The following SDK1 variants were observed in gnomAD, a reference collection of about 807,000 sequenced individuals.
The protein encoded by SDK1 is protein sidekick-1.
A neutral mutation model predicts 245.5 loss-of-function variants in SDK1; 157 were observed. That is an observed-to-expected ratio of 0.64 (90% confidence interval 0.56 to 0.73). SDK1 has a LOEUF of 0.73. Among genes scored for constraint, SDK1 ranks in the 30% least tolerant of loss-of-function variants. SDK1 has a pLI of 0.00. For missense variants in SDK1, 3,583 were observed against 3,002.3 expected, an observed-to-expected ratio of 1.19 and a Z score of -4.52; for synonymous variants, 1,647 against 1,278.5, an observed-to-expected ratio of 1.29 and a Z score of -6.15.
chr7:3,651,042 C>T (rs1392372128), intron 4 of SDK1, among the ~76,000 whole-genome samples: 3 of 151,638 alleles, frequency 2.0e-5, no homozygotes, highest in African/African-American at 7.3e-5. Flanking sequence ...TTTTTCTGTG[C>T]ATGAACATAA....
chr7:3,558,366 G>T (rs1171150798), intron 1 of SDK1, among the ~76,000 whole-genome samples: 1 of 152,204 alleles, frequency 6.6e-6, no homozygotes, highest in Non-Finnish European at 1.5e-5. Context: ...GGCACATACT[G>T]CCTGCAGTGG....
intron 1 of SDK1, among the ~76,000 whole-genome samples, chr7:3,565,287 T>G (rs1264603750): frequency 6.6e-6 from 1 of 152,112 alleles, no homozygotes; most frequent in Non-Finnish European, 1.5e-5. Flanking sequence ...GAACCTTAGC[T>G]ACAAAGGAAT....
chr7:3,849,195 G>T (rs1167810650), intron 5 of SDK1, among the ~76,000 whole-genome samples: 2 of 152,050 alleles, frequency 1.3e-5, no homozygotes, highest in African/African-American at 2.4e-5. Context: ...AAATCCCCTG[G>T]CCTGGAATGC....
At chr7:4,049,315 G>T (rs1583942127) in intron 17 of SDK1, 33 bp from the exon 18 acceptor site, 7 of 1,555,356 alleles carry the variant, frequency 4.5e-6, no homozygotes, top group Non-Finnish European at 6.2e-6. Context: ...CCTGCCATTT[G>T]TTCTGCTGTC....
intron 5 of SDK1, among the ~76,000 whole-genome samples, chr7:3,940,400 G>A (rs746902447): frequency 9.2e-5 from 14 of 152,346 alleles, no homozygotes; most frequent in South Asian, 2.1e-4. Context: ...CTTAAAACTC[G>A]AGCAGAAGTA....
At chr7:3,655,354 A>C (rs1203926001) in intron 4 of SDK1, among the ~76,000 whole-genome samples, 4 of 149,494 alleles carry the variant, frequency 2.7e-5, no homozygotes, top group Non-Finnish European at 5.9e-5. Context: ...AATCACTTGA[A>C]CCCAGGAGGT....
chr7:3,435,807 C>G (rs1583854167), intron 1 of SDK1, among the ~76,000 whole-genome samples: 2 of 152,304 alleles, frequency 1.3e-5, no homozygotes, highest in African/African-American at 4.8e-5. Flanking sequence ...CTCTACGTCC[C>G]TCATGCTTTC....
At chr7:3,470,966 A>T (rs1340754134) in intron 1 of SDK1, among the ~76,000 whole-genome samples, 1 of 152,188 alleles carries the variant, frequency 6.6e-6, no homozygotes, top group Non-Finnish European at 1.5e-5. Context: ...TGCTTATTTG[A>T]TAAACAAGTA....
chr7:3,742,657 A>C (rs1222710894), intron 4 of SDK1, among the ~76,000 whole-genome samples: 1 of 152,190 alleles, frequency 6.6e-6, no homozygotes, highest in Admixed American at 6.5e-5. Context: ...ATTCTTATGA[A>C]GTCCTCCTCC....
At chr7:3,492,063 C>A (rs959257172) in intron 1 of SDK1, among the ~76,000 whole-genome samples, 1 of 152,098 alleles carries the variant, frequency 6.6e-6, no homozygotes, top group Admixed American at 6.6e-5. Context: ...GTGTTAATTT[C>A]GTTTTCAAAG....
At chr7:3,870,052 C>T (rs1420245698) in intron 5 of SDK1, among the ~76,000 whole-genome samples, 1 of 152,116 alleles carries the variant, frequency 6.6e-6, no homozygotes, top group Non-Finnish European at 1.5e-5. Flanking sequence ...GTCATTGCAT[C>T]ATTAAAAGTA....
chr7:3,537,078 C>G (rs1431575872), intron 1 of SDK1, among the ~76,000 whole-genome samples: 1 of 152,146 alleles, frequency 6.6e-6, no homozygotes, highest in Non-Finnish European at 1.5e-5. Flanking sequence ...AAATATAAAA[C>G]ATTCCAGTAA....
At position 3,623,053 on chromosome 7, in the gene SDK1, C is replaced by A. The variant is rs370187137; in HGVS notation, c.458+3814C>A. Among the ~76,000 whole-genome samples, 6 of 152,176 alleles carry A rather than the reference C, an allele frequency of 3.9e-5. No individual in the cohort carries two copies. In the East Asian group the frequency reaches 5.8e-4, roughly 15 times the overall value. ...GTTTCAAATGAAAAAAACATGGATA[C>A]TTTATGAAAAAGGTAGTTGTTTCCC... On this transcript the variant is annotated intron_variant, in intron 2 of 44. Coordinates refer to ENST00000404826, the MANE Select transcript of SDK1 (RefSeq NM_152744.4).
At chr7:3,952,102 A>T in intron 7 of SDK1, 182 bp downstream of exon 7, 2 of 607,550 alleles carry the variant, frequency 3.3e-6, no homozygotes, top group African/African-American at 3.7e-5. Context: ...AAGTCCATTA[A>T]ATCCAAAGTG....
chr7:3,411,681 C>T (rs1428211330), intron 1 of SDK1, among the ~76,000 whole-genome samples: 1 of 152,136 alleles, frequency 6.6e-6, no homozygotes, highest in Admixed American at 6.5e-5. Context: ...CCTATTAATG[C>T]AGCAATTTCT....
At chr7:4,217,623 G>A (rs78752032) in intron 38 of SDK1, among the ~76,000 whole-genome samples, 38,135 of 145,654 alleles carry the variant, frequency 0.26, 4,359 homozygotes, top group African/African-American at 0.37. Context: ...CACACCACCC[G>A]GAGCACCAGG....
intron 44 of SDK1, among the ~76,000 whole-genome samples, chr7:4,252,175 T>A (rs1223310385): frequency 6.6e-6 from 1 of 152,144 alleles, no homozygotes; most frequent in East Asian, 1.9e-4. Flanking sequence ...TCATTTAACA[T>A]TAGGTATATC....
chr7:3,631,076 G>A (rs1422544624), intron 2 of SDK1, among the ~76,000 whole-genome samples: 1 of 151,964 alleles, frequency 6.6e-6, no homozygotes, highest in African/African-American at 2.4e-5. Flanking sequence ...TGGGACTACA[G>A]GCACATGCTG....
intron 4 of SDK1, among the ~76,000 whole-genome samples, chr7:3,794,474 G>A (rs568071213): frequency 1.3e-5 from 2 of 152,302 alleles, no homozygotes; most frequent in South Asian, 2.1e-4. Context: ...GATATGTGGG[G>A]CTCTTAAGAA....
Sources: allele counts gnomAD v4.1 joint callset (sites outside exome capture counted in the v4.1 genomes callset), GRCh38; gene constraint gnomAD v4.1.1; transcripts MANE v1.5; gene names NCBI Gene and HGNC (gene_info 2026-07-23, HGNC 2026-07-21).